MAP3K2: variants seen among roughly 807,000 people sequenced by gnomAD.
MAP3K2 encodes mitogen-activated protein kinase kinase kinase 2.
In MAP3K2, 24 loss-of-function variants were observed where a neutral mutation model predicts 80.3. The ratio of observed to expected loss-of-function variants is 0.30; its 90% confidence interval spans 0.22 to 0.42. The LOEUF is 0.42. Ranked by LOEUF, MAP3K2 falls within the 10% of genes least tolerant of loss-of-function variation. MAP3K2 has a pLI of 1.00. For synonymous variants in MAP3K2, 244 were observed against 253.7 expected (o/e 0.96, Z 0.36); for missense variants, 608 against 750.1 (o/e 0.81, Z 2.21).
chr2:127,371,878 C>T (rs754648651), intron 1 of MAP3K2, among the ~76,000 whole-genome samples: 4 of 152,166 alleles, frequency 2.6e-5, no homozygotes, highest in Admixed American at 6.5e-5. Context: ...TTGATAAAAA[C>T]GACAACTCCG....
At chr2:127,308,854 T>C in intron 15 of MAP3K2, 92 bp from the exon 16 acceptor site, 1 of 1,321,790 alleles carries the variant, frequency 7.6e-7, no homozygotes, top group Non-Finnish European at 1.0e-6. Context: ...CTTCATAGAC[T>C]CTTTGATTTG....
intron 1 of MAP3K2, among the ~76,000 whole-genome samples, chr2:127,353,710 C>T (rs1479099291): frequency 2.0e-5 from 3 of 152,072 alleles, no homozygotes; most frequent in Non-Finnish European, 4.4e-5. Flanking sequence ...TGAGGAGCCC[C>T]TCTGCCCGGC....
chr2:127,325,611 C>T (rs1328511491), intron 9 of MAP3K2, 117 bp downstream of exon 9: 2 of 714,568 alleles, frequency 2.8e-6, no homozygotes, highest in Non-Finnish European at 4.8e-6. Flanking sequence ...CTGATGGAGC[C>T]AAGGAGGTCA....
chr2:127,346,635 T>C (rs1038524449), intron 1 of MAP3K2, among the ~76,000 whole-genome samples: 1 of 151,994 alleles, frequency 6.6e-6, no homozygotes, highest in Non-Finnish European at 1.5e-5. Context: ...TCCAACAAAA[T>C]CAAGGTTGGT....
chr2:127,355,022 C>G (rs538380488), intron 1 of MAP3K2, among the ~76,000 whole-genome samples: 2 of 151,938 alleles, frequency 1.3e-5, no homozygotes, highest in South Asian at 4.1e-4. Context: ...AACCAATAAA[C>G]AACTACAAAA....
chr2:127,336,911 C>A (rs1186158648), intron 4 of MAP3K2, among the ~76,000 whole-genome samples: 1 of 152,066 alleles, frequency 6.6e-6, no homozygotes, highest in East Asian at 1.9e-4. Flanking sequence ...GAGGCCGGGG[C>A]GGGTGGATCA....
rs146292467 is a variant in MAP3K2 at position 127,333,824 on chromosome 2, C to T, written c.264+2046G>A. On this transcript the variant is annotated intron_variant, in intron 5 of 16. Transcript: ENST00000682094. ...TCTTAAAAATACAGATCAGGCCAGG[C>T]GCGGTGGCTCATACCTGTAATCCCA... is the stretch of plus-strand genomic sequence containing the variant. Among the ~76,000 whole-genome samples the T allele has an allele frequency of 1.2e-3, 183 of 151,308 alleles. 2 individuals are homozygous for T. The South Asian group carries it at 0.018, about 15-fold the overall frequency.
In MAP3K2 at chr2:127,345,182, G is replaced by A. The variant is rs143732037; in HGVS notation, c.-65-1988C>T. Among the ~76,000 whole-genome samples the A allele has an allele frequency of 2.3e-3, 354 of 152,300 alleles. 1 individual carries two copies. Among genetic ancestry groups the A allele is most frequent in the African/African-American group, 7.7e-3 (321 of 41,574 alleles). On this transcript the variant is annotated intron_variant, in intron 1 of 16. Coordinates refer to ENST00000682094, the MANE Select transcript of MAP3K2 (RefSeq NM_001371910.2). ...AATTCGAAGACAAAATAGGTTGACA[G>A]TAAAAGGATAGAAAAAGATATACTA...
rs550345905 is a variant in MAP3K2, at chr2:127,330,611, G to A, written c.265-106C>T. On this transcript the variant is annotated intron_variant, in intron 5 of 16. Transcript: ENST00000682094. ...CAAATGTCAAAATACCTTGCTCTTTGATTTGTTACTATGATGAAAGTCTGA... is the reference window on the plus strand; with the variant it reads ...CAAATGTCAAAATACCTTGCTCTTTAATTTGTTACTATGATGAAAGTCTGA... 179 of 554,656 alleles carry A rather than the reference G, an allele frequency of 3.2e-4. 1 individual carries two copies. The highest frequency in any genetic ancestry group is 1.9e-3 in the Middle Eastern group (7 of 3,748). 34.4% of individuals were successfully genotyped at this position (554,656 alleles called of 1,614,324 possible).
chr2:127,325,546 G>GTATTAA (rs1686116657), intron 9 of MAP3K2, among the ~76,000 whole-genome samples, 182 bp downstream of exon 9: 1 of 152,102 alleles, frequency 6.6e-6, no homozygotes, highest in Non-Finnish European at 1.5e-5. Context: ...GCCAGATGTG[G>GTATTAA]TATTAATAGC....
intron 1 of MAP3K2, among the ~76,000 whole-genome samples, chr2:127,383,924 A>C (rs897253878): frequency 7.0e-6 from 1 of 143,786 alleles, no homozygotes; most frequent in Non-Finnish European, 1.5e-5. Context: ...CCCAGACTGG[A>C]GTGCAGTGGC....
rs1449742582 is a variant in MAP3K2, at chr2:127,341,532, T to TGG, written c.4+1593_4+1594insCC. On this transcript the variant is annotated intron_variant, in intron 2 of 16. Transcript: ENST00000682094. ...AGTACAATGGGTTTTTTTTTGTTGT[T>TGG]TTTTTTTTTTTTTTTTTTGAGACAG... is the stretch of plus-strand genomic sequence containing the variant. Among the ~76,000 whole-genome samples, 6 of 56,578 alleles carry TGG rather than the reference T, an allele frequency of 1.1e-4. No individual in the cohort carries two copies. In the East Asian group the frequency reaches 4.2e-3, roughly 40 times the overall value. 37.1% of individuals were successfully genotyped at this position (56,578 alleles called of 152,430 possible).
intron 9 of MAP3K2, among the ~76,000 whole-genome samples, chr2:127,324,495 A>G (rs1487578361): frequency 6.6e-6 from 1 of 152,222 alleles, no homozygotes; most frequent in Non-Finnish European, 1.5e-5. Context: ...GGTGTTTCTA[A>G]GCACTGTGTT....
chr2:127,359,203 T>C lies in MAP3K2; in HGVS notation c.-65-16009A>G, dbSNP rs574430716. ...TAATTCTAATGTAAATTATGGACTTTAGTTTACAATAATGCCTCATTATTT... is the reference window on the plus strand; with the variant it reads ...TAATTCTAATGTAAATTATGGACTTCAGTTTACAATAATGCCTCATTATTT... On this transcript the variant is annotated intron_variant, in intron 1 of 16. Coordinates refer to ENST00000682094, the MANE Select transcript of MAP3K2 (RefSeq NM_001371910.2). 3.3e-5 allele frequency among the ~76,000 whole-genome samples: 5 copies of C among 152,290 alleles called. 1 individual carries two copies. Among genetic ancestry groups the C allele is most frequent in the African/African-American group, 1.2e-4 (5 of 41,556 alleles).
At position 127,324,217 on chromosome 2, in the gene MAP3K2, C is replaced by G; in HGVS notation, c.702G>C (p.Met234Ile). ...TATCTGGGTAGCTCTGAGCCCTAGG[C>G]ATTCGTGATTTTGGATAGCTCTCTC... The part of the protein sequence containing the change: ...LDGESYPKSR[M>I]PRAQSYPDNH... The change falls in exon 10 of 17, where the codon ATG (methionine) becomes ATC (isoleucine). Residue 234 changes from methionine (M) to isoleucine (I), a missense_variant. Met to Ile is a conservative substitution (Grantham distance 10, BLOSUM62 1). Coordinates refer to ENST00000682094, the MANE Select transcript of MAP3K2 (RefSeq NM_001371910.2). The G allele has an allele frequency of 6.4e-7, 1 of 1,565,642 alleles. No individual in the cohort carries two copies. The highest frequency in any genetic ancestry group is 1.2e-5 in the South Asian group (1 of 83,194).
intron 1 of MAP3K2, among the ~76,000 whole-genome samples, chr2:127,346,410 T>TAAAA (rs70985447): frequency 3.8e-4 from 37 of 96,302 alleles, no homozygotes; most frequent in East Asian, 7.9e-4. Flanking sequence ...AAACTGGTTT[T>TAAAA]AAAAAAAAAA....
At chr2:127,344,122 A>C (rs1411191321) in intron 1 of MAP3K2, among the ~76,000 whole-genome samples, 1 of 152,242 alleles carries the variant, frequency 6.6e-6, no homozygotes, top group Non-Finnish European at 1.5e-5. Flanking sequence ...AAGATGAAAA[A>C]TATGAGTGCC....
intron 1 of MAP3K2, among the ~76,000 whole-genome samples, chr2:127,361,382 A>T (rs1180579450): frequency 6.6e-6 from 1 of 152,062 alleles, no homozygotes; most frequent in African/African-American, 2.4e-5. Context: ...AAGTAATAAT[A>T]TAAAAGCAAC....
At chr2:127,356,314 C>T (rs1247412650) in intron 1 of MAP3K2, among the ~76,000 whole-genome samples, 2 of 152,136 alleles carry the variant, frequency 1.3e-5, no homozygotes, top group African/African-American at 2.4e-5. Flanking sequence ...TCTATGGCAG[C>T]TATAGCCTTA....
Sources: allele counts gnomAD v4.1 joint callset (sites outside exome capture counted in the v4.1 genomes callset), GRCh38; gene constraint gnomAD v4.1.1; transcripts MANE v1.5; gene names NCBI Gene and HGNC (gene_info 2026-07-23, HGNC 2026-07-21).